Variants in SGSH observed in about 807,000 individuals in gnomAD.
The protein encoded by SGSH is heparan sulfate sulfatase.
Under a neutral mutation model 51.0 loss-of-function variants are expected in SGSH, and 48 were observed. The ratio of observed to expected loss-of-function variants is 0.94; its 90% CI spans 0.75 to 1.20. The LOEUF is 1.20. Among genes scored for constraint, SGSH ranks in the 50% most tolerant of loss-of-function variants. The pLI is 0.00. For missense variants in SGSH, 662 were observed against 717.8 expected, an observed-to-expected ratio of 0.92 and a Z score of 0.89; for synonymous variants, 321 against 313.4, an observed-to-expected ratio of 1.02 and a Z score of -0.26.
At chr17:80,200,815 C>T in the SGSH span, 1,468 of 155,074 alleles carry the variant, frequency 9.5e-3, 8 homozygotes, top group Non-Finnish European at 0.015. Context: ...TGATGGGAGA[C>T]GGTAACAGAT....
downstream of SGSH, chr17:80,202,023 C>A: frequency 1.6e-6 from 2 of 1,247,394 alleles, no homozygotes; most frequent in African/African-American, 1.5e-5. Context: ...AGGAGGCCCC[C>A]AAGCCAGCTG....
At chr17:80,205,517 A>G, downstream of SGSH, 1 of 1,581,650 alleles carries the variant, frequency 6.3e-7, no homozygotes, top group Non-Finnish European at 8.6e-7. Flanking sequence ...GGCCCCGTCC[A>G]ATGTCACCTG....
chr17:80,205,377 CG>C (rs1437047924), downstream of SGSH: 40 of 1,189,322 alleles, frequency 3.4e-5, no homozygotes, highest in African/African-American at 4.4e-4. Context: ...GGGCACAGAG[CG>C]GGGTGTGCAG....
intron 1 of SGSH, 168 bp from the exon 2 acceptor site, chr17:80,217,360 C>A (rs1370999273): frequency 1.3e-5 from 10 of 764,292 alleles, no homozygotes; most frequent in Non-Finnish European, 2.0e-5. Flanking sequence ...ACAGAGCACT[C>A]CATTACCTAG....
Position 80,210,908 on chromosome 17 carries a change from C to A in SGSH, c.1053G>T (p.Ala351=). Residue 351 remains alanine (A), a synonymous_variant, in exon 8 of 8, where the codon GCG becomes GCT. Coordinates refer to ENST00000326317, the MANE Select transcript of SGSH (RefSeq NM_000199.5). ...IHLTGRSLLP[A]LEAEPLWATV... ...TGGCCCAGAGGGGCTCGGCCTCCAG[C>A]GCCGGCAGGAGGGACCGGCCAGTGA... 1 of 1,610,802 alleles carries A rather than the reference C, an allele frequency of 6.2e-7. No homozygotes were observed. The highest frequency in any genetic ancestry group is 8.5e-7 in the Non-Finnish European group (1 of 1,179,938).
chr17:80,202,391 C>T (rs146968151), downstream of SGSH: 770 of 1,612,932 alleles, frequency 4.8e-4, no homozygotes, highest in Non-Finnish European at 5.9e-4. Context: ...AGGATACTGC[C>T]GCGCACGGCA....
At chr17:80,202,281 G>T, downstream of SGSH, 2 of 1,613,948 alleles carry the variant, frequency 1.2e-6, no homozygotes, top group Non-Finnish European at 1.7e-6. Context: ...GGCCAAAGGG[G>T]AGCTGCAGGT....
At chr17:80,206,127 G>A (rs992036739), downstream of SGSH, among the ~76,000 whole-genome samples, 3 of 152,158 alleles carry the variant, frequency 2.0e-5, no homozygotes, top group East Asian at 5.8e-4. Flanking sequence ...AAAATCAAAG[G>A]GATGGAAACT....
Position 80,212,054 on chromosome 17 carries a change from G to C in SGSH, c.949+17C>G. The C allele has an allele frequency of 1.2e-6, 2 of 1,609,990 alleles. No individual in the cohort carries two copies. Among genetic ancestry groups the C allele is most frequent in the Non-Finnish European group, 1.7e-6 (2 of 1,177,104 alleles). ...CCACTCCCACACCTTTCCTGACGGAGACAGACAAAGGCATACCTAGGAGGC... is the reference window on the plus strand; with the variant it reads ...CCACTCCCACACCTTTCCTGACGGACACAGACAAAGGCATACCTAGGAGGC... On this transcript the variant is annotated intron_variant, in intron 7 of 7. Coordinates refer to ENST00000326317, the MANE Select transcript of SGSH (RefSeq NM_000199.5). The surrounding 1 kb of genome is among the most constrained non-coding windows in gnomAD (Gnocchi z 5.9).
downstream of SGSH, chr17:80,202,059 T>G (rs551305589): frequency 2.3e-5 from 28 of 1,209,928 alleles, no homozygotes; most frequent in South Asian, 3.8e-4. Context: ...CTGACTCCAG[T>G]GCCAGAGCAG....
Position 80,210,339 on chromosome 17 carries a change from G to A in SGSH, c.*113C>T. 23 of 1,451,494 alleles carry A rather than the reference G, an allele frequency of 1.6e-5. No homozygotes were observed. The highest frequency in any genetic ancestry group is 2.0e-5 in the Non-Finnish European group (22 of 1,104,572). 89.9% of individuals were successfully genotyped at this position (1,451,494 alleles called of 1,614,324 possible). A position where few individuals can be genotyped will look rare whatever the true frequency, so the allele number is the denominator to read the frequency against. ...GGAAGGAAGAACCCTCCTTGGATGG[G>A]AGTGTGGACGGAAGGGCTGTTGCCA... On this transcript the variant is annotated 3_prime_UTR_variant, in exon 8 of 8. Coordinates refer to ENST00000326317, the MANE Select transcript of SGSH (RefSeq NM_000199.5).
chr17:80,214,777 G>A lies in SGSH; in HGVS notation c.356-12C>T, dbSNP rs111239087. 5 of 1,609,344 alleles carry A rather than the reference G, an allele frequency of 3.1e-6. No homozygotes were observed. Among genetic ancestry groups the A allele is most frequent in the East Asian group, 4.5e-5 (2 of 44,878 alleles). On this transcript the variant is annotated splice_polypyrimidine_tract_variant and intron_variant, in intron 3 of 7. Coordinates refer to ENST00000326317, the MANE Select transcript of SGSH (RefSeq NM_000199.5). ...CTTCCCGATGATGCCTGGGCGGGAA[G>A]AGAGGCCTGGCCAGAGTCCCTTCAG...
At chr17:80,205,771 G>A (rs1363023785), downstream of SGSH, 16 of 1,097,330 alleles carry the variant, frequency 1.5e-5, no homozygotes, top group African/African-American at 3.2e-5. Flanking sequence ...CCTTGTCGCC[G>A]ACCTCTGGGT....
At chr17:80,206,223 G>A (rs537677122), downstream of SGSH, among the ~76,000 whole-genome samples, 49 of 152,378 alleles carry the variant, frequency 3.2e-4, no homozygotes, top group African/African-American at 1.2e-3. Flanking sequence ...CCAGCACTTT[G>A]GGAACCCGAG....
chr17:80,204,397 T>TG, downstream of SGSH: 1 of 1,469,222 alleles, frequency 6.8e-7, no homozygotes, highest in Non-Finnish European at 9.1e-7. Flanking sequence ...TGAGGGGCTT[T>TG]GGGAGCTGCT....
chr17:80,204,944 G>A (rs183771554), downstream of SGSH: 376 of 1,133,472 alleles, frequency 3.3e-4, 2 homozygotes, highest in African/African-American at 5.2e-3. Context: ...CTGCTGCAGT[G>A]AGCAAAGCAG....
Position 80,220,330 on chromosome 17 carries a change from A to T in SGSH, c.-17T>A. 1.4e-6 allele frequency: 2 copies of T among 1,481,212 alleles called. No homozygotes were observed. The highest frequency in any genetic ancestry group is 2.6e-5 in the South Asian group (2 of 78,386). The allele number at this position is 1,481,212 out of a possible 1,614,324, so 91.8% of individuals were successfully genotyped here. A position where few individuals can be genotyped will look rare whatever the true frequency, so the allele number is the denominator to read the frequency against. ...GCAGCTCATGGCGGCGGCGGCTCGG[A>T]CTCGGGATCGGGATCCGGCTCCGGC... is the stretch of plus-strand genomic sequence containing the variant. On this transcript the variant is annotated 5_prime_UTR_variant, in exon 1 of 8. Transcript: ENST00000326317.
At chr17:80,201,708 G>A in the SGSH span, 37 of 1,611,154 alleles carry the variant, frequency 2.3e-5, no homozygotes, top group African/African-American at 3.2e-4. The surrounding 1 kb of genome is among the most constrained non-coding windows in gnomAD (Gnocchi z 5.0). Flanking sequence ...TCAGAGTCCC[G>A]GGGGAAAGAG....
rs776117969 is a variant in SGSH at position 80,210,368 on chromosome 17, C to T, written c.*84G>A. 21 of 1,473,090 alleles carry T rather than the reference C, an allele frequency of 1.4e-5. No individual in the cohort carries two copies. Among genetic ancestry groups the T allele is most frequent in the Admixed American group, 2.2e-5 (1 of 45,358 alleles). The allele number at this position is 1,473,090 out of a possible 1,614,324, so 91.3% of individuals were successfully genotyped here. A position where few individuals can be genotyped will look rare whatever the true frequency, so the allele number is the denominator to read the frequency against. The stretch of plus-strand genomic sequence containing the variant: ...GTGGACGGAAGGGCTGTTGCCACTA[C>T]TCCCCAGGCTGGCCGGCCACACGGA... On this transcript the variant is annotated 3_prime_UTR_variant, in exon 8 of 8. Coordinates refer to ENST00000326317, the MANE Select transcript of SGSH (RefSeq NM_000199.5).
Sources: gnomAD v4.1 joint callset for allele counts (sites outside exome capture counted in the v4.1 genomes callset) on GRCh38, gnomAD v4.1.1 for gene constraint, Gnocchi (gnomAD v3.1) non-coding constraint, MANE v1.5 for transcripts, NCBI Gene and HGNC (gene_info 2026-07-23, HGNC 2026-07-21) for gene names.